Variants in GREB1L observed in about 807,000 individuals in gnomAD.
GREB1L encodes the protein GREB1-like protein.
Under a neutral mutation model 200.8 loss-of-function variants are expected in GREB1L, and 17 were observed. The ratio of observed to expected loss-of-function variants is 0.08; its 90% CI spans 0.06 to 0.13. GREB1L has a LOEUF of 0.13. GREB1L is among the 10% of genes least tolerant of loss of function. GREB1L has a pLI of 1.00. For missense variants in GREB1L, 1,657 were observed against 2,367.7 expected, an observed-to-expected ratio of 0.70 and a Z score of 6.23; for synonymous variants, 789 against 893.0, an observed-to-expected ratio of 0.88 and a Z score of 2.08.
intron 1 of GREB1L, among the ~76,000 whole-genome samples, chr18:21,339,866 C>T (rs2039242031): frequency 1.3e-5 from 2 of 152,178 alleles, no homozygotes; most frequent in Non-Finnish European, 2.9e-5. Flanking sequence ...CTAGAACCTA[C>T]AACAATACAA....
chr18:21,392,554 G>A, intron 4 of GREB1L, among the ~76,000 whole-genome samples: 1 of 151,912 alleles, frequency 6.6e-6, no homozygotes, highest in East Asian at 1.9e-4. Flanking sequence ...GAGTTAAATT[G>A]ACTTTTAGAG....
intron 5 of GREB1L, 140 bp from the exon 6 acceptor site, chr18:21,401,010 G>T (rs1337491789): frequency 2.3e-5 from 15 of 653,042 alleles, no homozygotes; most frequent in Admixed American, 1.5e-4. Flanking sequence ...CATGTACCTG[G>T]TTTTTTTCCC....
intron 2 of GREB1L, among the ~76,000 whole-genome samples, chr18:21,373,296 G>A (rs979848546): frequency 6.6e-6 from 1 of 152,074 alleles, no homozygotes; most frequent in Non-Finnish European, 1.5e-5. Flanking sequence ...TTCATTAGGG[G>A]TTACAAAGTG....
intron 15 of GREB1L, among the ~76,000 whole-genome samples, chr18:21,462,708 C>T (rs2035097067): frequency 6.6e-6 from 1 of 152,188 alleles, no homozygotes; most frequent in Non-Finnish European, 1.5e-5. Context: ...CCTTGGCCTC[C>T]CAAAGTGCTG....
At chr18:21,487,138 T>C (rs1246922646) in intron 18 of GREB1L, among the ~76,000 whole-genome samples, 1 of 152,234 alleles carries the variant, frequency 6.6e-6, no homozygotes, top group African/African-American at 2.4e-5. Context: ...GTACCCCCTT[T>C]AAGCATTCCT....
At chr18:21,480,431 ATTTG>A (rs2035872868) in intron 17 of GREB1L, among the ~76,000 whole-genome samples, 1 of 152,168 alleles carries the variant, frequency 6.6e-6, no homozygotes, top group Non-Finnish European at 1.5e-5. Context: ...GATATCAGGT[ATTTG>A]TTCAAACTAA....
chr18:21,264,627 C>G (rs1025347294), intron 1 of GREB1L, among the ~76,000 whole-genome samples: 1 of 152,110 alleles, frequency 6.6e-6, no homozygotes, highest in Non-Finnish European at 1.5e-5. Context: ...GTTCAGGGGA[C>G]TAGTTCGAGG....
intron 11 of GREB1L, among the ~76,000 whole-genome samples, chr18:21,448,157 C>T (rs2034328457): frequency 1.4e-5 from 1 of 72,178 alleles, no homozygotes; most frequent in Non-Finnish European, 4.3e-5. Context: ...GGGAAACTGT[C>T]TCAAAAAAAA....
chr18:21,428,196 C>CAAAAAAAA (rs60750456), intron 7 of GREB1L, among the ~76,000 whole-genome samples: 3 of 48,170 alleles, frequency 6.2e-5, no homozygotes, highest in African/African-American at 9.3e-5. Context: ...GACTCCGTCT[C>CAAAAAAAA]AAAAAAAAAA....
chr18:21,345,553 A>T (rs1567945129), intron 1 of GREB1L, among the ~76,000 whole-genome samples: 2 of 152,122 alleles, frequency 1.3e-5, no homozygotes, highest in Non-Finnish European at 1.5e-5. Flanking sequence ...AGACTGGGTT[A>T]CCTTTTCTGA....
intron 4 of GREB1L, among the ~76,000 whole-genome samples, chr18:21,388,007 T>C (rs1245697199): frequency 6.6e-6 from 1 of 152,206 alleles, no homozygotes; most frequent in African/African-American, 2.4e-5. Context: ...AAATAGTAAA[T>C]AGATACATAC....
chr18:21,328,338 A>G (rs898185525), intron 1 of GREB1L, among the ~76,000 whole-genome samples: 1 of 152,196 alleles, frequency 6.6e-6, no homozygotes, highest in Non-Finnish European at 1.5e-5. Flanking sequence ...ATCGAGTGAA[A>G]TAAAAGCAAG....
chr18:21,497,748 C>T (rs1345541444), intron 21 of GREB1L, among the ~76,000 whole-genome samples: 1 of 151,482 alleles, frequency 6.6e-6, no homozygotes, highest in African/African-American at 2.4e-5. Context: ...ATGAAACACA[C>T]GCCCACTTCC....
intron 18 of GREB1L, among the ~76,000 whole-genome samples, chr18:21,489,494 A>G (rs1050771363): frequency 4.6e-5 from 7 of 152,216 alleles, no homozygotes; most frequent in Non-Finnish European, 8.8e-5. Flanking sequence ...TTGTAATCTT[A>G]TATATCAGAG....
At chr18:21,370,348 T>C (rs1465047552) in intron 2 of GREB1L, among the ~76,000 whole-genome samples, 1 of 152,050 alleles carries the variant, frequency 6.6e-6, no homozygotes, top group Non-Finnish European at 1.5e-5. Flanking sequence ...AAATATCAAT[T>C]TAAAAGAATA....
intron 7 of GREB1L, among the ~76,000 whole-genome samples, chr18:21,417,361 A>G (rs1165462733): frequency 1.3e-5 from 2 of 151,986 alleles, no homozygotes. Flanking sequence ...ATTTCTACTA[A>G]AAATGCAAAA....
At chr18:21,433,171 C>A (rs1368635846) in intron 7 of GREB1L, among the ~76,000 whole-genome samples, 1 of 152,128 alleles carries the variant, frequency 6.6e-6, no homozygotes, top group African/African-American at 2.4e-5. Context: ...AATATTATGA[C>A]GTTTTCTTCA....
rs1050743046 is a variant in GREB1L at position 21,445,398 on chromosome 18, C to T, written c.1393+989C>T. 3.3e-5 allele frequency among the ~76,000 whole-genome samples: 5 copies of T among 152,070 alleles called. No homozygotes were observed. In the East Asian group the frequency reaches 7.7e-4, roughly 24 times the overall value. ...CTGAGGCAAAAGAATTGCTTGAACC[C>T]GGGAGGCGGAGGTTGCAGTGAGCCC... On this transcript the variant is annotated intron_variant, in intron 11 of 32. Coordinates refer to ENST00000424526, the MANE Select transcript of GREB1L (RefSeq NM_001142966.3).
intron 4 of GREB1L, among the ~76,000 whole-genome samples, chr18:21,386,385 G>C (rs1392381796): frequency 6.6e-6 from 1 of 152,052 alleles, no homozygotes; most frequent in Non-Finnish European, 1.5e-5. Context: ...TCCACCTCCC[G>C]GGTTCAAGCA....
Sources: gnomAD v4.1 joint callset for allele counts (sites outside exome capture counted in the v4.1 genomes callset) on GRCh38, gnomAD v4.1.1 for gene constraint, MANE v1.5 for transcripts, NCBI Gene and HGNC (gene_info 2026-07-23, HGNC 2026-07-21) for gene names.